Variants in MUC6 observed in about 807,000 individuals in gnomAD.
MUC6 encodes the protein mucin 6, oligomeric mucus/gel-forming (gene/pseudogene).
Under a neutral mutation model 201.5 loss-of-function variants are expected in MUC6, and 188 were observed. The observed-to-expected ratio is 0.93, with a 90% CI of 0.83 to 1.05. The LOEUF (loss-of-function observed/expected upper bound fraction) is 1.05, where lower values mean the gene tolerates loss of function less well. Ranked by LOEUF, MUC6 falls within the 50% of genes least tolerant of loss-of-function variation. The pLI is 0.00. For synonymous variants in MUC6, 1,228 were observed against 1,389.4 expected (o/e 0.88, Z 2.58); for missense variants, 2,706 against 3,256.9 (o/e 0.83, Z 4.12).
chr11:1,028,628 G>A lies in MUC6; in HGVS notation c.1591+18C>T, dbSNP rs368352491. On this transcript the variant is annotated intron_variant, in intron 13 of 32. Coordinates refer to ENST00000421673, the MANE Select transcript of MUC6 (RefSeq NM_005961.3). Reference sequence around the variant, plus strand: ...TAGGGATGAGGCAACAGGGCCACCTGGAGAGGCAGGGACTCACCTCTGGTC... The same window carrying A: ...TAGGGATGAGGCAACAGGGCCACCTAGAGAGGCAGGGACTCACCTCTGGTC... 8.1e-6 allele frequency: 13 copies of A among 1,603,646 alleles called. No individual in the cohort carries two copies. The highest frequency in any genetic ancestry group is 1.1e-5 in the Non-Finnish European group (13 of 1,175,950).
chr11:1,016,237 C>A lies in MUC6; in HGVS notation c.6564G>T (p.Thr2188=), dbSNP rs371036032. 1 of 1,612,970 alleles carries A rather than the reference C, an allele frequency of 6.2e-7. No homozygotes were observed. Among genetic ancestry groups the A allele is most frequent in the East Asian group, 2.2e-5 (1 of 44,870 alleles). Residue 2188 remains threonine, a synonymous_variant, in exon 31 of 33, where the codon ACG becomes ACT. Transcript: ENST00000421673. The part of the protein sequence containing the change: ...GSHSSLSTHP[T]TASVSASPLF... ...GAGGAGATGCAGACACTGATGCAGT[C>A]GTGGGATGAGTGGACAATGAGGAGT... is the stretch of plus-strand genomic sequence containing the variant.
At chr11:1,021,747 C>T (rs191426592) in intron 26 of MUC6, among the ~76,000 whole-genome samples, 16 of 152,124 alleles carry the variant, frequency 1.1e-4, no homozygotes, top group East Asian at 3.9e-4. Flanking sequence ...GCTGGGGCTT[C>T]GGTGCCATCT....
chr11:1,027,143 A>G lies in MUC6; in HGVS notation c.2282T>C (p.Leu761Pro), dbSNP rs1228787107. 2 of 1,612,386 alleles carry G rather than the reference A, an allele frequency of 1.2e-6. No individual in the cohort carries two copies. The highest frequency in any genetic ancestry group is 1.7e-6 in the Non-Finnish European group (2 of 1,179,794). Residue 761 changes from leucine (L) to proline (P), a missense_variant and splice_region_variant, in exon 18 of 33, where the codon CTG becomes CCG. Coordinates refer to ENST00000421673, the MANE Select transcript of MUC6 (RefSeq NM_005961.3). ...GCGGCCAGCGCTGCTGTACGTACCC[A>G]GGAACATCTGTGGCCGCTGCGGGCA... ...LSCPQRPQMFLASCQAPKTFK... is the reference protein window; with the variant it reads ...LSCPQRPQMFPASCQAPKTFK...
Position 1,031,041 on chromosome 11 carries a change from G to A in MUC6, c.590C>T (p.Pro197Leu). ...CTTCTGGAGGGCAGCAAACTTGTGG[G>A]GTTCCAGGAACTTGCCTGGGGTGCA... ...FVSEEGKFLE[P>L]HKFAALQKLD... The change falls in exon 6 of 33, where the codon CCC becomes CTC. Residue 197 changes from proline (P) to leucine (L), a missense_variant. Coordinates refer to ENST00000421673, the MANE Select transcript of MUC6 (RefSeq NM_005961.3). 1 of 1,569,562 alleles carries A rather than the reference G, an allele frequency of 6.4e-7. No individual in the cohort carries two copies. The highest frequency in any genetic ancestry group is 1.2e-5 in the South Asian group (1 of 85,394).
intron 6 of MUC6, 40 bp from the exon 7 acceptor site, chr11:1,030,820 C>T (rs1246211446): frequency 2.6e-6 from 4 of 1,530,176 alleles, no homozygotes; most frequent in Non-Finnish European, 3.5e-6. Flanking sequence ...AAAGGCCACA[C>T]CCCATGCCAC....
In MUC6 at chr11:1,027,198, AAGAG is replaced by A; in HGVS notation, c.2232-9_2232-6del. ...AGCCGCCCGTTGATGCAGTGGCTGC[AAGAG>A]AGAGGCTGCGTGAGACCCCGGGACC... On this transcript the variant is annotated splice_region_variant and splice_polypyrimidine_tract_variant and intron_variant, in intron 17 of 32. Transcript: ENST00000421673. 1 of 1,612,282 alleles carries A rather than the reference AAGAG, an allele frequency of 6.2e-7. No homozygotes were observed. The highest frequency in any genetic ancestry group is 8.5e-7 in the Non-Finnish European group (1 of 1,179,670).
chr11:1,025,439 G>A (rs1856933183), intron 22 of MUC6, 72 bp from the exon 23 acceptor site: 3 of 1,536,052 alleles, frequency 2.0e-6, no homozygotes, highest in South Asian at 1.2e-5. Context: ...GCTGGACCGA[G>A]CTCTCAGAGA....
rs753042422 is a variant in MUC6 at position 1,031,752 on chromosome 11, C to A, written c.357-19G>T. 6.5e-7 allele frequency: 1 copy of A among 1,549,800 alleles called. No individual in the cohort carries two copies. The highest frequency in any genetic ancestry group is 8.7e-7 in the Non-Finnish European group (1 of 1,146,324). Reference sequence around the variant, plus strand: ...GATGACCCTGTGGGGCAAGGGAAGTCGGTGGTCGATCCTCAGTCCTCCGGC... The same window carrying A: ...GATGACCCTGTGGGGCAAGGGAAGTAGGTGGTCGATCCTCAGTCCTCCGGC... On this transcript the variant is annotated intron_variant, in intron 3 of 32. Transcript: ENST00000421673.
rs1469291572 is a variant in MUC6, at chr11:1,018,640, C to T, written c.4161G>A (p.Glu1387=). The part of the protein sequence containing the change: ...PGQPTRPTAT[E]TTQTRTTTEY... ...CAGTAGTCGTTCTTGTTTGAGTGGT[C>T]TCTGTGGCTGTGGGCCTCGTGGGTT... is the stretch of plus-strand genomic sequence containing the variant. The change falls in exon 31 of 33, where the codon GAG becomes GAA. Residue 1387 remains glutamate (E), a synonymous_variant. Transcript: ENST00000421673. The T allele has an allele frequency of 1.2e-6, 2 of 1,612,860 alleles. No individual in the cohort carries two copies. The highest frequency in any genetic ancestry group is 1.7e-5 in the Admixed American group (1 of 59,912).
At chr11:1,027,580 C>A in intron 16 of MUC6, 63 bp from the exon 17 acceptor site, 2 of 1,599,648 alleles carry the variant, frequency 1.3e-6, no homozygotes, top group Admixed American at 1.7e-5. Context: ...ATCTCGGGTT[C>A]CCCTGCCTGC....
Position 1,026,444 on chromosome 11 carries a change from G to C in MUC6, c.2429C>G (p.Ala810Gly). 3 of 1,606,416 alleles carry C rather than the reference G, an allele frequency of 1.9e-6. No homozygotes were observed. The highest frequency in any genetic ancestry group is 2.5e-6 in the Non-Finnish European group (3 of 1,177,416). The change falls in exon 20 of 33, where the codon GCC (alanine) becomes GGC (glycine). Residue 810 changes from alanine (A) to glycine (G), a missense_variant. Ala to Gly is a moderately conservative substitution (Grantham distance 60). Around this residue, in one of 10 missense-constraint regions of MUC6, gnomAD observed 1,850 missense variants for 1,958.3 expected, o/e 0.94. Coordinates refer to ENST00000421673, the MANE Select transcript of MUC6 (RefSeq NM_005961.3). The part of the protein sequence containing the change: ...PTKCEPGCVC[A>G]EGLYENADGQ... The stretch of plus-strand genomic sequence containing the variant: ...GTCGGCATTCTCGTAGAGGCCCTCG[G>C]CGCAGACACAGCCAGGCTCACACTT...
intron 4 of MUC6, 90 bp downstream of exon 4, chr11:1,031,517 G>T: frequency 1.3e-6 from 2 of 1,507,448 alleles, no homozygotes; most frequent in Non-Finnish European, 1.8e-6. Context: ...AGGGCTGGCT[G>T]GGACCCCCAA....
At chr11:1,014,414 C>T (rs942651667) in intron 31 of MUC6, among the ~76,000 whole-genome samples, 5 of 152,152 alleles carry the variant, frequency 3.3e-5, no homozygotes, top group African/African-American at 1.2e-4. Context: ...GCCAGTGACC[C>T]CAGAGCGGGA....
Position 1,025,271 on chromosome 11 carries a change from C to A in MUC6, c.2896G>T (p.Val966Leu). The A allele has an allele frequency of 6.2e-7, 1 of 1,612,814 alleles. No homozygotes were observed. The highest frequency in any genetic ancestry group is 8.5e-7 in the Non-Finnish European group (1 of 1,179,856). The change falls in exon 23 of 33, where the codon GTG becomes TTG. Residue 966 changes from valine to leucine, a missense_variant. Physicochemically the swap from Val to Leu is conservative, Grantham distance 32. Coordinates refer to ENST00000421673, the MANE Select transcript of MUC6 (RefSeq NM_005961.3). ...TACCTCCCGGGGATGCTGATGTCCA[C>A]GACAAGGCTCAGCGCACCCGGCGTC... ...GVTPGALSLV[V>L]DISIPGRYNL... is the part of the protein sequence containing the mutation.
chr11:1,024,138 C>T (rs751886112), intron 24 of MUC6, 35 bp from the exon 25 acceptor site: 84 of 1,586,810 alleles, frequency 5.3e-5, no homozygotes, highest in Admixed American at 6.8e-5. Context: ...GTCTGGCTGC[C>T]GGGGGATGGC....
At chr11:1,022,709 T>A (rs1269381647) in intron 26 of MUC6, among the ~76,000 whole-genome samples, 2 of 152,238 alleles carry the variant, frequency 1.3e-5, no homozygotes, top group African/African-American at 4.8e-5. Context: ...GGAGCCGGCC[T>A]GGAGGACAGA....
At chr11:1,027,120 G>A (rs183381816) in intron 18 of MUC6, 21 bp downstream of exon 18, 18,314 of 1,612,102 alleles carry the variant, frequency 0.011, 142 homozygotes, top group Middle Eastern at 0.022. Flanking sequence ...CCCAGCCTGC[G>A]GCCAGCGCTG....
intron 32 of MUC6, 85 bp from the exon 33 acceptor site, chr11:1,013,718 G>A (rs1856532675): frequency 6.8e-7 from 1 of 1,463,414 alleles, no homozygotes; most frequent in African/African-American, 1.4e-5. Flanking sequence ...GCTCCGCAGA[G>A]GCCTGGACCT....
intron 26 of MUC6, 89 bp from the exon 27 acceptor site, chr11:1,021,366 T>TG: frequency 1.5e-6 from 1 of 653,634 alleles, no homozygotes; most frequent in South Asian, 3.1e-5. Context: ...CCTTCCTCTC[T>TG]GCTTTTTTTT....
Sources: allele counts gnomAD v4.1 joint callset (sites outside exome capture counted in the v4.1 genomes callset), GRCh38; gene constraint gnomAD v4.1.1; regional missense constraint gnomAD v4.1.1; transcripts MANE v1.5; gene names NCBI Gene and HGNC (gene_info 2026-07-23, HGNC 2026-07-21).